ZNF804B: variants seen among roughly 807,000 people sequenced by gnomAD.
ZNF804B encodes zinc finger protein 804B.
A neutral mutation model predicts 101.4 loss-of-function variants in ZNF804B; 80 were observed. That is an observed-to-expected ratio of 0.79 (90% CI 0.66 to 0.95). The LOEUF (loss-of-function observed/expected upper bound fraction) is 0.95. Ranked by LOEUF, ZNF804B falls within the 40% of genes least tolerant of loss-of-function variation. The pLI, the probability that ZNF804B is intolerant of heterozygous loss-of-function variation, is 0.00. For missense variants in ZNF804B, 1,673 were observed against 1,561.9 expected, an observed-to-expected ratio of 1.07 and a Z score of -1.20; for synonymous variants, 622 against 558.8, an observed-to-expected ratio of 1.11 and a Z score of -1.59.
intron 1 of ZNF804B, among the ~76,000 whole-genome samples, chr7:88,789,453 T>TA (rs1790346867): frequency 6.6e-6 from 1 of 152,258 alleles, no homozygotes; most frequent in African/African-American, 2.4e-5. Flanking sequence ...AGTATACTGT[T>TA]ACATTTCCTT....
At chr7:88,849,807 A>T (rs7797423) in intron 1 of ZNF804B, among the ~76,000 whole-genome samples, 24 of 151,558 alleles carry the variant, frequency 1.6e-4, no homozygotes, top group Non-Finnish European at 3.4e-4. Flanking sequence ...ATGAAAATTT[A>T]AAAAAATAAT....
At chr7:89,071,903 T>G (rs774886100) in intron 1 of ZNF804B, among the ~76,000 whole-genome samples, 3 of 152,170 alleles carry the variant, frequency 2.0e-5, no homozygotes, top group Non-Finnish European at 4.4e-5. Flanking sequence ...CTATAAGTTT[T>G]CTTACAAATC....
At chr7:88,784,509 G>A (rs534781380) in intron 1 of ZNF804B, among the ~76,000 whole-genome samples, 5 of 152,208 alleles carry the variant, frequency 3.3e-5, no homozygotes, top group African/African-American at 9.6e-5. Flanking sequence ...CACATGAAAG[G>A]ACAGAACCAA....
intron 1 of ZNF804B, among the ~76,000 whole-genome samples, chr7:88,993,312 G>A (rs1431423189): frequency 1.3e-5 from 2 of 151,962 alleles, no homozygotes; most frequent in Non-Finnish European, 2.9e-5. Context: ...TGAGAATGTT[G>A]AAGTCTAGAA....
chr7:89,176,470 T>C (rs1229809464), intron 1 of ZNF804B, among the ~76,000 whole-genome samples: 1 of 151,980 alleles, frequency 6.6e-6, no homozygotes, highest in Non-Finnish European at 1.5e-5. Flanking sequence ...AATGATCTTT[T>C]TAATGTGTTG....
chr7:89,123,564 C>T (rs781629844), intron 1 of ZNF804B, among the ~76,000 whole-genome samples: 1 of 152,052 alleles, frequency 6.6e-6, no homozygotes, highest in Non-Finnish European at 1.5e-5. Flanking sequence ...ATTTCACCTG[C>T]CCTTAAGAGG....
chr7:88,804,991 C>T (rs188539966), intron 1 of ZNF804B, among the ~76,000 whole-genome samples: 1 of 152,224 alleles, frequency 6.6e-6, no homozygotes, highest in East Asian at 1.9e-4. Context: ...TAATATTTCA[C>T]ACTAGAGTAT....
intron 2 of ZNF804B, among the ~76,000 whole-genome samples, chr7:89,229,701 A>T (rs190521828): frequency 1.1e-3 from 161 of 152,364 alleles, no homozygotes; most frequent in African/African-American, 3.6e-3. Context: ...GAACAGTTAC[A>T]TCAATCAATT....
chr7:88,761,540 C>T (rs1219952775), intron 1 of ZNF804B, among the ~76,000 whole-genome samples: 1 of 152,132 alleles, frequency 6.6e-6, no homozygotes, highest in African/African-American at 2.4e-5. Context: ...ACTCACAGTG[C>T]CAGGAGAATC....
chr7:89,082,095 A>T (rs932684165), intron 1 of ZNF804B, among the ~76,000 whole-genome samples: 1 of 151,782 alleles, frequency 6.6e-6, no homozygotes, highest in African/African-American at 2.4e-5. Flanking sequence ...TACAACACTT[A>T]TCTACCAAAA....
At chr7:89,163,126 A>G (rs138482293) in intron 1 of ZNF804B, among the ~76,000 whole-genome samples, 1 of 152,168 alleles carries the variant, frequency 6.6e-6, no homozygotes, top group Non-Finnish European at 1.5e-5. Flanking sequence ...TGGTAAAGAT[A>G]AAGCCAAGTT....
chr7:89,255,653 ATATCTT>A lies in ZNF804B; in HGVS notation c.249+37362_249+37367del, dbSNP rs1348738764. On this transcript the variant is annotated intron_variant, in intron 2 of 3. Transcript: ENST00000333190. ...GACTTATCTGCAAGAGTATAGGAAA[ATATCTT>A]TATAATTGTAGTGGAGGAAATAATT... 2.0e-5 allele frequency among the ~76,000 whole-genome samples: 3 copies of A among 152,322 alleles called. No homozygotes were observed. The East Asian group carries it at 5.8e-4, about 29-fold the overall frequency.
intron 1 of ZNF804B, among the ~76,000 whole-genome samples, chr7:88,985,764 C>T (rs1793750598): frequency 6.6e-6 from 1 of 152,020 alleles, no homozygotes; most frequent in African/African-American, 2.4e-5. Flanking sequence ...GCAGAGTAAC[C>T]ATAGACTTTT....
intron 2 of ZNF804B, among the ~76,000 whole-genome samples, chr7:89,326,190 A>C (rs1429297537): frequency 6.6e-6 from 1 of 152,024 alleles, no homozygotes; most frequent in African/African-American, 2.4e-5. Flanking sequence ...GGTTGAGTCC[A>C]CTGTTCTCCC....
chr7:89,205,580 G>A (rs956281227), intron 1 of ZNF804B, among the ~76,000 whole-genome samples: 2 of 152,184 alleles, frequency 1.3e-5, no homozygotes, highest in Non-Finnish European at 2.9e-5. Flanking sequence ...AAATCTTAAA[G>A]CTCCAAAATG....
At chr7:88,764,540 G>T (rs2718307) in intron 1 of ZNF804B, among the ~76,000 whole-genome samples, 57,786 of 151,898 alleles carry the variant, frequency 0.38, 13,697 homozygotes, top group African/African-American at 0.68. Flanking sequence ...CCAACAATCT[G>T]CTACAGAATT....
At chr7:89,131,876 A>G (rs1309291900) in intron 1 of ZNF804B, among the ~76,000 whole-genome samples, 1 of 152,012 alleles carries the variant, frequency 6.6e-6, no homozygotes, top group African/African-American at 2.4e-5. Flanking sequence ...TTCAAGCCTG[A>G]TAACACGAAT....
At chr7:89,008,148 T>C (rs1030072175) in intron 1 of ZNF804B, among the ~76,000 whole-genome samples, 25 of 152,312 alleles carry the variant, frequency 1.6e-4, no homozygotes, top group African/African-American at 5.3e-4. Flanking sequence ...GTTGAAATGA[T>C]GCCCAGTAAT....
At chr7:89,089,215 A>G (rs769368730) in intron 1 of ZNF804B, among the ~76,000 whole-genome samples, 18 of 151,964 alleles carry the variant, frequency 1.2e-4, no homozygotes, top group Non-Finnish European at 2.4e-4. Flanking sequence ...TCTATTTCTC[A>G]GCTCATTGCT....
Sources: gnomAD v4.1 joint callset for allele counts (sites outside exome capture counted in the v4.1 genomes callset) on GRCh38, gnomAD v4.1.1 for gene constraint, MANE v1.5 for transcripts, NCBI Gene and HGNC (gene_info 2026-07-23, HGNC 2026-07-21) for gene names.